The following ADAM10 variants were observed in gnomAD, a reference collection of about 807,000 sequenced individuals.
ADAM10 encodes the protein disintegrin and metalloproteinase domain-containing protein 10.
In ADAM10, 17 loss-of-function variants were observed where a neutral mutation model predicts 90.1. The observed-to-expected ratio is 0.19, with a 90% CI of 0.13 to 0.28. The LOEUF (loss-of-function observed/expected upper bound fraction) is 0.28. ADAM10 is among the 10% of genes least tolerant of loss of function. ADAM10 has a pLI of 1.00. For missense variants in ADAM10, 610 were observed against 914.3 expected (o/e 0.67, Z 4.29); for synonymous variants, 310 against 298.6 (o/e 1.04, Z -0.40).
At position 58,735,302 on chromosome 15, in the gene ADAM10, T is replaced by C. The variant is rs540723694; in HGVS notation, c.55+14178A>G. Among the ~76,000 whole-genome samples the C allele has an allele frequency of 1.5e-3, 233 of 152,286 alleles. 1 individual carries two copies. Among genetic ancestry groups the C allele is most frequent in the African/African-American group, 5.2e-3 (217 of 41,540 alleles). On this transcript the variant is annotated intron_variant, in intron 1 of 15. Coordinates refer to ENST00000260408, the MANE Select transcript of ADAM10 (RefSeq NM_001110.4). Reference sequence around the variant, plus strand: ...GACTCTCCCAGTCCAGGTTCTTTCATCACTATTAGATATATTACCTACGCA... The same window carrying C: ...GACTCTCCCAGTCCAGGTTCTTTCACCACTATTAGATATATTACCTACGCA...
intron 2 of ADAM10, among the ~76,000 whole-genome samples, chr15:58,685,463 C>CAATAAATAAATA (rs553224874): frequency 2.2e-5 from 3 of 139,534 alleles, no homozygotes; most frequent in African/African-American, 8.2e-5. Flanking sequence ...ACTCCATCTC[C>CAATAAATAAATA]AATAAATAAA....
chr15:58,625,978 G>A (rs1164394991), intron 10 of ADAM10, among the ~76,000 whole-genome samples: 1 of 148,442 alleles, frequency 6.7e-6, no homozygotes, highest in Non-Finnish European at 1.5e-5. Context: ...GGAGAACAGG[G>A]TAGCAGGGGG....
intron 2 of ADAM10, among the ~76,000 whole-genome samples, chr15:58,683,899 A>G (rs1365563918): frequency 1.3e-5 from 2 of 151,550 alleles, no homozygotes; most frequent in South Asian, 2.1e-4. Flanking sequence ...GGAAATATAA[A>G]GTCATCCCTC....
At chr15:58,748,697 C>A (rs1363779545) in intron 1 of ADAM10, 2 of 376,034 alleles carry the variant, frequency 5.3e-6, no homozygotes, top group African/African-American at 4.2e-5. Context: ...AGACCCAATC[C>A]AGCCTACAAA....
intron 5 of ADAM10, among the ~76,000 whole-genome samples, chr15:58,661,293 CT>C (rs1191568549): frequency 1.3e-5 from 2 of 152,094 alleles, no homozygotes; most frequent in Non-Finnish European, 2.9e-5. Context: ...CATCTGGTAT[CT>C]TTTTCTGCCT....
chr15:58,690,905 G>C (rs1357079161), intron 2 of ADAM10, among the ~76,000 whole-genome samples: 1 of 152,230 alleles, frequency 6.6e-6, no homozygotes, highest in Admixed American at 6.5e-5. Flanking sequence ...AGCCAGAAGA[G>C]AGCAGTGTGG....
intron 2 of ADAM10, chr15:58,692,752 T>A (rs1224040475): frequency 1.7e-6 from 1 of 596,076 alleles, no homozygotes; most frequent in Admixed American, 1.9e-5. Context: ...TTCTTCGTCA[T>A]TGTGCTTTGT....
intron 1 of ADAM10, among the ~76,000 whole-genome samples, chr15:58,730,467 G>C (rs1350308010): frequency 6.6e-6 from 1 of 151,314 alleles, no homozygotes; most frequent in East Asian, 1.9e-4. Flanking sequence ...TAAATCTTTG[G>C]TAAGTCACTT....
intron 9 of ADAM10, among the ~76,000 whole-genome samples, chr15:58,632,860 A>G (rs1414369573): frequency 6.6e-6 from 1 of 152,232 alleles, no homozygotes; most frequent in African/African-American, 2.4e-5. Context: ...TGTACTTTTA[A>G]ACAATGAATA....
rs139660470 is a variant in ADAM10 at position 58,724,532 on chromosome 15, G to A, written c.56-6805C>T. Among the ~76,000 whole-genome samples the A allele has an allele frequency of 4.6e-5, 7 of 152,312 alleles. No homozygotes were observed. The East Asian group carries it at 1.2e-3, about 25-fold the overall frequency. Reference sequence around the variant, plus strand: ...TAAGCAGTCTCCAGGCCAAATGACAGGGAGAAGAAACCAAGAGCCTGAAGT... The same window carrying A: ...TAAGCAGTCTCCAGGCCAAATGACAAGGAGAAGAAACCAAGAGCCTGAAGT... On this transcript the variant is annotated intron_variant, in intron 1 of 15. Coordinates refer to ENST00000260408, the MANE Select transcript of ADAM10 (RefSeq NM_001110.4).
At chr15:58,727,493 G>A (rs1899078848) in intron 1 of ADAM10, among the ~76,000 whole-genome samples, 1 of 152,008 alleles carries the variant, frequency 6.6e-6, no homozygotes, top group Non-Finnish European at 1.5e-5. Context: ...GCCCAGCCTG[G>A]CTAATCTTTC....
chr15:58,649,837 A>G (rs112628639), intron 5 of ADAM10, among the ~76,000 whole-genome samples: 7 of 152,246 alleles, frequency 4.6e-5, no homozygotes, highest in African/African-American at 1.7e-4. Flanking sequence ...TCTCTGTTAC[A>G]TTGGAAAAAT....
At chr15:58,723,770 G>T (rs1898938987) in intron 1 of ADAM10, among the ~76,000 whole-genome samples, 1 of 151,958 alleles carries the variant, frequency 6.6e-6, no homozygotes, top group Non-Finnish European at 1.5e-5. Flanking sequence ...TAACTGGGTA[G>T]AGAAGAGACA....
chr15:58,636,487 A>G (rs1466452580), intron 8 of ADAM10, among the ~76,000 whole-genome samples: 1 of 152,210 alleles, frequency 6.6e-6, no homozygotes, highest in Non-Finnish European at 1.5e-5. Context: ...CTCAAACTCA[A>G]TTGCTATATA....
chr15:58,731,718 A>G (rs1252476964), intron 1 of ADAM10, among the ~76,000 whole-genome samples: 1 of 152,164 alleles, frequency 6.6e-6, no homozygotes. Flanking sequence ...ACCCCACCCA[A>G]GGTAACTGGT....
intron 4 of ADAM10, among the ~76,000 whole-genome samples, chr15:58,673,881 C>T (rs1405454713): frequency 6.6e-6 from 1 of 151,912 alleles, no homozygotes; most frequent in African/African-American, 2.4e-5. Flanking sequence ...ACTACAGGCG[C>T]CTGCCACCAC....
chr15:58,743,771 A>AT (rs1899693165), intron 1 of ADAM10, among the ~76,000 whole-genome samples: 1 of 151,158 alleles, frequency 6.6e-6, no homozygotes. Context: ...CACCAAGCTA[A>AT]TTTTTTGTAT....
At chr15:58,717,827 T>C (rs1450246298) in intron 1 of ADAM10, 100 bp from the exon 2 acceptor site, 24 of 1,482,172 alleles carry the variant, frequency 1.6e-5, no homozygotes, top group Non-Finnish European at 1.7e-5. Context: ...ATGAAACAAC[T>C]TCTCCCTAAT....
intron 1 of ADAM10, among the ~76,000 whole-genome samples, chr15:58,736,848 G>A (rs1396604756): frequency 3.3e-5 from 5 of 152,020 alleles, no homozygotes; most frequent in African/African-American, 1.2e-4. Context: ...CAAATTTTAT[G>A]TAATCCTAGC....
Sources: allele counts gnomAD v4.1 joint callset (sites outside exome capture counted in the v4.1 genomes callset), GRCh38; gene constraint gnomAD v4.1.1; transcripts MANE v1.5; gene names NCBI Gene and HGNC (gene_info 2026-07-23, HGNC 2026-07-21).